TMEM43: variants seen among roughly 807,000 people sequenced by gnomAD.
TMEM43 encodes the protein transmembrane protein 43.
TMEM43 carries 45 observed loss-of-function variants against 49.6 expected under a neutral mutation model. That is an observed-to-expected ratio of 0.91 (90% CI 0.71 to 1.16). The LOEUF is 1.16. Among genes scored for constraint, TMEM43 ranks in the 50% most tolerant of loss-of-function variants. The pLI is 0.00. For synonymous variants in TMEM43, 199 were observed against 207.8 expected (o/e 0.96, Z 0.36); for missense variants, 532 against 516.6 (o/e 1.03, Z -0.29).
At chr3:14,126,818 G>T (rs1695027415) in intron 1 of TMEM43, among the ~76,000 whole-genome samples, 4 of 152,320 alleles carry the variant, frequency 2.6e-5, no homozygotes, top group Admixed American at 2.6e-4. Flanking sequence ...ACTAGGCTGG[G>T]TGAGGAAGAA....
intron 11 of TMEM43, 38 bp downstream of exon 11, chr3:14,139,335 C>T: frequency 7.0e-7 from 1 of 1,429,206 alleles, no homozygotes. Context: ...CCCTCCTGCA[C>T]CCTGAAAGGG....
Position 14,134,782 on chromosome 3 carries a change from A to G in TMEM43, c.596A>G (p.Lys199Arg), listed in dbSNP as rs1695144281. The G allele has an allele frequency of 1.2e-6, 2 of 1,614,134 alleles. No individual in the cohort carries two copies. Among genetic ancestry groups the G allele is most frequent in the East Asian group, 2.2e-5 (1 of 44,874 alleles). Residue 199 changes from lysine (K) to arginine (R), a missense_variant, in exon 8 of 12, where the codon AAA becomes AGA. Lys to Arg is a conservative substitution (Grantham distance 26, BLOSUM62 2). Coordinates refer to ENST00000306077, the MANE Select transcript of TMEM43 (RefSeq NM_024334.3). ...RFFLSSGLIDKVDNFKSLSLS... is the reference protein window; with the variant it reads ...RFFLSSGLIDRVDNFKSLSLS... The stretch of plus-strand genomic sequence containing the variant: ...CTGGTCCCCTCAGGCCTCATCGACA[A>G]AGTCGACAACTTCAAGTCCCTGAGC...
intron 11 of TMEM43, 79 bp downstream of exon 11, chr3:14,139,376 T>A: frequency 1.9e-6 from 2 of 1,029,208 alleles, no homozygotes; most frequent in Non-Finnish European, 3.1e-6. Context: ...ATCTCAGCCC[T>A]TCCAGCCTGA....
intron 1 of TMEM43, 125 bp downstream of exon 1, chr3:14,125,330 C>T (rs1695003766): frequency 2.5e-6 from 3 of 1,190,778 alleles, no homozygotes; most frequent in African/African-American, 1.5e-5. Flanking sequence ...CCGCATCTCC[C>T]TCTGCTCGCC....
chr3:14,137,513 C>G (rs1451742837), intron 10 of TMEM43, among the ~76,000 whole-genome samples: 1 of 152,220 alleles, frequency 6.6e-6, no homozygotes, highest in Non-Finnish European at 1.5e-5. Flanking sequence ...CTGTCTTCCC[C>G]CAGCCCAGCC....
intron 1 of TMEM43, 105 bp from the exon 2 acceptor site, chr3:14,129,307 T>TAAAAAAAAAAAAAAAAAAAAAAAAAA: frequency 5.3e-6 from 2 of 378,884 alleles, no homozygotes; most frequent in East Asian, 7.4e-5. Flanking sequence ...CAGTTAAAAC[T>TAAAAAAAAAAAAAAAAAAAAAAAAAA]AAAAAAAAAA....
chr3:14,130,010 CCCCTCCCT>C (rs551840073), intron 2 of TMEM43, among the ~76,000 whole-genome samples: 1 of 149,352 alleles, frequency 6.7e-6, no homozygotes, highest in South Asian at 2.2e-4. Flanking sequence ...TCCTTTCTTT[CCCCTCCCT>C]CCCTCCCTCC....
intron 1 of TMEM43, among the ~76,000 whole-genome samples, chr3:14,125,628 GGAGCTGTCCAGCAATGGACAGACA>G (rs1206066318): frequency 4.6e-5 from 7 of 152,180 alleles, no homozygotes; most frequent in Admixed American, 6.5e-5. Context: ...CAGCCCAAGT[GGAGCTGTCCAGCAATGGACAGACA>G]GGGCTGTCCA....
At position 14,131,092 on chromosome 3, in the gene TMEM43, T is replaced by C. The variant is rs1695089565; in HGVS notation, c.297+136T>C. ...ATTCCCGACTTTACCACTCAGCAGC[T>C]GTGTGGACTTGTCTATCCTGAGTCT... On this transcript the variant is annotated intron_variant, in intron 3 of 11. Transcript: ENST00000306077. The C allele has an allele frequency of 5.5e-6, 6 of 1,094,160 alleles. No individual in the cohort carries two copies. In the South Asian group the frequency reaches 9.4e-5, roughly 17 times the overall value. 67.8% of individuals were successfully genotyped at this position (1,094,160 alleles called of 1,614,324 possible).
intron 4 of TMEM43, among the ~76,000 whole-genome samples, chr3:14,131,939 A>G (rs918675214): frequency 5.3e-5 from 8 of 152,158 alleles, no homozygotes; most frequent in African/African-American, 1.9e-4. Flanking sequence ...TTGAAGCATG[A>G]CTTGGAGCAG....
At chr3:14,140,163 G>A (rs533360255) in intron 11 of TMEM43, among the ~76,000 whole-genome samples, 103 of 152,350 alleles carry the variant, frequency 6.8e-4, no homozygotes, top group Admixed American at 2.5e-3. Flanking sequence ...CCCGGGAAGG[G>A]AAGGACTCTC....
Position 14,135,183 on chromosome 3 carries a change from C to T in TMEM43, c.731C>T (p.Ser244Phe), listed in dbSNP as rs199874478. 4 of 1,612,732 alleles carry T rather than the reference C, an allele frequency of 2.5e-6. No individual in the cohort carries two copies. In the South Asian group the frequency reaches 4.4e-5, roughly 18 times the overall value. ...PEVGDLRVSF[S>F]YAGLSGDDPD... ...GTGGGAGACTTGCGTGTCTCCTTTT[C>T]CTATGCTGGACTGAGCGGCGATGAC... Residue 244 changes from serine to phenylalanine, a missense_variant, in exon 9 of 12, where the codon TCC (serine) becomes TTC (phenylalanine). Transcript: ENST00000306077.
intron 1 of TMEM43, among the ~76,000 whole-genome samples, chr3:14,127,214 C>T (rs1444761871): frequency 6.6e-6 from 1 of 152,024 alleles, no homozygotes; most frequent in Non-Finnish European, 1.5e-5. Context: ...TATATAGATC[C>T]TTTATGATCC....
chr3:14,131,999 G>A (rs931746419), intron 4 of TMEM43, among the ~76,000 whole-genome samples: 1 of 152,144 alleles, frequency 6.6e-6, no homozygotes, highest in Non-Finnish European at 1.5e-5. Flanking sequence ...AGACCCCACT[G>A]CATCTCTCTG....
intron 11 of TMEM43, 136 bp from the exon 12 acceptor site, chr3:14,141,457 C>A: frequency 1.1e-6 from 1 of 871,400 alleles, no homozygotes; most frequent in Non-Finnish European, 1.9e-6. Context: ...AAGCTCCTTG[C>A]CTTCCACCCA....
intron 10 of TMEM43, among the ~76,000 whole-genome samples, chr3:14,138,700 T>A (rs1310989803): frequency 6.6e-6 from 1 of 150,590 alleles, no homozygotes; most frequent in East Asian, 2.0e-4. Context: ...GGGGAGAGAG[T>A]ATGGACTGAA....
At position 14,143,525 on chromosome 3, in the gene TMEM43, GT is replaced by G. The variant is rs1297290972; in HGVS notation, c.*1737del. On this transcript the variant is annotated 3_prime_UTR_variant, in exon 12 of 12. Transcript: ENST00000306077. ...CTAAATGCAAAATCCTTGGGCTTTG[GT>G]TTTTTTCTAGTAAGGATTTTAAATA... 1.3e-5 allele frequency: 2 copies of G among 152,112 alleles called. No homozygotes were observed. Among genetic ancestry groups the G allele is most frequent in the African/African-American group, 2.4e-5 (1 of 41,412 alleles). 9.4% of individuals were successfully genotyped at this position (152,112 alleles called of 1,614,324 possible).
intron 3 of TMEM43, 109 bp from the exon 4 acceptor site, chr3:14,131,471 C>G (rs370322380): frequency 1.7e-4 from 152 of 880,240 alleles, no homozygotes; most frequent in Middle Eastern, 3.0e-4. Flanking sequence ...CCACCCTTGT[C>G]CCCTTCTCTA....
At chr3:14,129,361 ATTTATTTTT>A in intron 1 of TMEM43, 42 bp from the exon 2 acceptor site, 1 of 1,384,970 alleles carries the variant, frequency 7.2e-7, no homozygotes, top group South Asian at 1.4e-5. Context: ...AGCAAATTTA[ATTTATTTTT>A]AAAAACTAGT....
Sources: allele counts gnomAD v4.1 joint callset (sites outside exome capture counted in the v4.1 genomes callset), GRCh38; gene constraint gnomAD v4.1.1; transcripts MANE v1.5; gene names NCBI Gene and HGNC (gene_info 2026-07-23, HGNC 2026-07-21).